The following DMD variants were observed in gnomAD, a reference collection of about 807,000 sequenced individuals.
DMD encodes the protein dystrophin.
Under a neutral mutation model 330.1 loss-of-function variants are expected in DMD, and 63 were observed. That is an observed-to-expected ratio of 0.19 (90% CI 0.16 to 0.24). The LOEUF (loss-of-function observed/expected upper bound fraction) is 0.24. DMD is among the 10% of genes least tolerant of loss of function. The pLI is 1.00. For missense variants in DMD, 3,344 were observed against 2,684.1 expected (o/e 1.25, Z -5.43); for synonymous variants, 1,223 against 959.8 (o/e 1.27, Z -5.07).
chrX:32,603,232 A>G (rs2056380786), intron 12 of DMD, among the ~76,000 whole-genome samples: 2 of 111,499 alleles, frequency 1.8e-5, no homozygotes, highest in South Asian at 7.4e-4. Flanking sequence ...ATCTATACAA[A>G]TACATGGAAA....
intron 45 of DMD, among the ~76,000 whole-genome samples, chrX:31,946,890 C>G (rs1338135529): frequency 9.2e-6 from 1 of 109,242 alleles, no homozygotes; most frequent in African/African-American, 3.3e-5. Flanking sequence ...TTAATAGTTG[C>G]TAAGAAAATG....
chrX:33,067,310 G>A (rs974331419), intron 1 of DMD, among the ~76,000 whole-genome samples: 8 of 112,155 alleles, frequency 7.1e-5, no homozygotes, highest in Non-Finnish European at 3.8e-5. Context: ...TTCTCCGAAT[G>A]ATTATAAAAG....
intron 54 of DMD, among the ~76,000 whole-genome samples, chrX:31,653,113 T>C (rs969134400): frequency 4.5e-5 from 5 of 111,492 alleles, no homozygotes; most frequent in Non-Finnish European, 9.4e-5. Context: ...TAGGGCTCAA[T>C]TGTTTTCTCT....
chrX:31,168,350 TG>T (rs967496016), intron 74 of DMD, among the ~76,000 whole-genome samples: 6 of 111,406 alleles, frequency 5.4e-5, no homozygotes, highest in Non-Finnish European at 1.1e-4. Context: ...TGATGGGTCT[TG>T]GTTCTGGCAA....
At position 32,374,125 on chromosome X, in the gene DMD, G is replaced by A. The variant is rs183965108; in HGVS notation, c.4845+6385C>T. ...CTTCTTTCGAGGAGTGTCTATTCAC[G>A]TTCTTTGTCCTGTTTTTAATCTGTT... is the stretch of plus-strand genomic sequence containing the variant. On this transcript the variant is annotated intron_variant, in intron 34 of 78. Coordinates refer to ENST00000357033, the MANE Select transcript of DMD (RefSeq NM_004006.3). Among the ~76,000 whole-genome samples, 6 of 110,580 alleles carry A rather than the reference G, an allele frequency of 5.4e-5. No homozygotes were observed. In the South Asian group the frequency reaches 1.9e-3, roughly 35 times the overall value.
At chrX:31,204,926 A>AC (rs2043919965) in intron 66 of DMD, among the ~76,000 whole-genome samples, 1 of 111,714 alleles carries the variant, frequency 9.0e-6, no homozygotes, top group African/African-American at 3.3e-5. Context: ...CTGGCTGCGT[A>AC]TTTCTAATTA....
At chrX:31,147,582 T>C (rs780567694) in intron 74 of DMD, 64 bp from the exon 75 acceptor site, 161 of 910,458 alleles carry the variant, frequency 1.8e-4, no homozygotes, top group Non-Finnish European at 2.3e-4. Context: ...AGAAAAAAAG[T>C]AATTTGAATA....
In DMD at chrX:32,824,204, C is replaced by T. The variant is rs189606782; in HGVS notation, c.265-817G>A. ...TTTGGAAAACAGTCTGGCAGTTTCTCACAAAACTGAACATGTACTTATTAT... is the reference window on the plus strand; with the variant it reads ...TTTGGAAAACAGTCTGGCAGTTTCTTACAAAACTGAACATGTACTTATTAT... On this transcript the variant is annotated intron_variant, in intron 4 of 78. Transcript: ENST00000357033. 4.0e-3 allele frequency among the ~76,000 whole-genome samples: 442 copies of T among 111,867 alleles called. 3 individuals are homozygous for T. Among genetic ancestry groups the T allele is most frequent in the Admixed American group, 0.037 (385 of 10,513 alleles).
intron 4 of DMD, among the ~76,000 whole-genome samples, chrX:32,830,967 T>C (rs1416483594): frequency 9.0e-6 from 1 of 111,325 alleles, no homozygotes; most frequent in Non-Finnish European, 1.9e-5. Context: ...TATGGAGTAG[T>C]CTCCTGCTGT....
rs755427506 is a variant in DMD at position 31,508,269 on chromosome X, T to C, written c.8218-816A>G. ...CTTGAACCGGGCACTACAGCACTGATCCTGTTGCATAGCAATCCTGAGAAA... is the reference window on the plus strand; with the variant it reads ...CTTGAACCGGGCACTACAGCACTGACCCTGTTGCATAGCAATCCTGAGAAA... On this transcript the variant is annotated intron_variant, in intron 55 of 78. Transcript: ENST00000357033. 1.0e-5 allele frequency: 12 copies of C among 1,199,684 alleles called. No homozygotes were observed. The East Asian group carries it at 3.3e-4, about 33-fold the overall frequency.
intron 44 of DMD, among the ~76,000 whole-genome samples, chrX:32,143,692 G>A (rs1225688405): frequency 2.8e-5 from 3 of 106,698 alleles, no homozygotes; most frequent in South Asian, 4.4e-4. Context: ...ACAGGCGCCC[G>A]CCACCACGCA....
intron 44 of DMD, among the ~76,000 whole-genome samples, chrX:32,132,543 T>C (rs1569545864): frequency 9.0e-6 from 1 of 111,714 alleles, no homozygotes; most frequent in Admixed American, 9.5e-5. Context: ...AGGGTTCTTT[T>C]CGAGATACTA....
intron 1 of DMD, among the ~76,000 whole-genome samples, chrX:33,142,532 G>A (rs964025461): frequency 8.9e-6 from 1 of 112,188 alleles, no homozygotes; most frequent in African/African-American, 3.2e-5. Context: ...AAAGGTTTGG[G>A]GTTTTTAATT....
chrX:31,207,771 C>T (rs1569465508), intron 65 of DMD, among the ~76,000 whole-genome samples: 2 of 111,139 alleles, frequency 1.8e-5, no homozygotes, highest in African/African-American at 3.3e-5. Context: ...TTGGGTACTG[C>T]GCTTAACCCA....
At position 32,484,486 on chromosome X, in the gene DMD, T is replaced by G. The variant is rs1208876117; in HGVS notation, c.2803+433A>C. Among the ~76,000 whole-genome samples the G allele has an allele frequency of 3.6e-5, 4 of 112,357 alleles. No individual in the cohort carries two copies. In the Admixed American group the frequency reaches 3.8e-4, roughly 11 times the overall value. On this transcript the variant is annotated intron_variant, in intron 21 of 78. Transcript: ENST00000357033. ...AGAATAATTTGTCCTTTGCTGAGTTTCAGTTGCCACATGTATGCTAAAGCT... is the reference window on the plus strand; with the variant it reads ...AGAATAATTTGTCCTTTGCTGAGTTGCAGTTGCCACATGTATGCTAAAGCT...
At chrX:31,398,512 C>T (rs1948989259) in intron 60 of DMD, among the ~76,000 whole-genome samples, 1 of 112,171 alleles carries the variant, frequency 8.9e-6, no homozygotes, top group Admixed American at 9.4e-5. Flanking sequence ...TGGTCTTGAA[C>T]TCCTGGGCTC....
chrX:32,445,420 G>A (rs1437045216), intron 27 of DMD, among the ~76,000 whole-genome samples: 1 of 111,032 alleles, frequency 9.0e-6, no homozygotes, highest in Non-Finnish European at 1.9e-5. Context: ...TCTGTATCCA[G>A]AAACTGGGAT....
intron 44 of DMD, among the ~76,000 whole-genome samples, chrX:32,169,583 A>C (rs922291689): frequency 8.9e-6 from 1 of 111,929 alleles, no homozygotes; most frequent in Non-Finnish European, 1.9e-5. Flanking sequence ...CTGGTGATCC[A>C]AAAAATATTG....
chrX:31,121,215 G>GTATT lies in DMD; in HGVS notation c.*700_*703dup, dbSNP rs986374994. The GTATT allele has an allele frequency of 5.4e-5, 6 of 111,595 alleles. No individual in the cohort carries two copies. Among genetic ancestry groups the GTATT allele is most frequent in the East Asian group, 2.8e-4 (1 of 3,583 alleles). The allele number at this position is 111,595 out of a possible 1,213,427, so 9.2% of individuals were successfully genotyped here. ...GTATCTCTTTATCTATATAACTATA[G>GTATT]TATTTATATACTTATAGACATATAG... On this transcript the variant is annotated 3_prime_UTR_variant, in exon 79 of 79. Coordinates refer to ENST00000357033, the MANE Select transcript of DMD (RefSeq NM_004006.3).
Sources: allele counts gnomAD v4.1 joint callset (sites outside exome capture counted in the v4.1 genomes callset), GRCh38; gene constraint gnomAD v4.1.1; transcripts MANE v1.5; gene names NCBI Gene and HGNC (gene_info 2026-07-23, HGNC 2026-07-21).